Variants in PEAK1 observed in about 807,000 individuals in gnomAD.
PEAK1 encodes inactive tyrosine-protein kinase PEAK1.
A neutral mutation model predicts 124.7 loss-of-function variants in PEAK1; 54 were observed. The ratio of observed to expected loss-of-function variants is 0.43; its 90% CI spans 0.35 to 0.54. The LOEUF (loss-of-function observed/expected upper bound fraction) is 0.54. Ranked by LOEUF, PEAK1 falls within the 20% of genes least tolerant of loss-of-function variation. The probability of loss-of-function intolerance (pLI) is 0.01; values close to 1 mark genes in which losing one functional copy is unlikely to be tolerated. For synonymous variants in PEAK1, 719 were observed against 760.0 expected, an observed-to-expected ratio of 0.95 and a Z score of 0.89; for missense variants, 2,046 against 2,134.5, an observed-to-expected ratio of 0.96 and a Z score of 0.82.
At chr15:77,246,460 G>A (rs560366264) in intron 6 of PEAK1, among the ~76,000 whole-genome samples, 1 of 152,122 alleles carries the variant, frequency 6.6e-6, no homozygotes, top group Admixed American at 6.5e-5. Flanking sequence ...GGAGGTTGAG[G>A]CTACAGTGAG....
intron 8 of PEAK1, among the ~76,000 whole-genome samples, chr15:77,153,535 T>A (rs2152775473): frequency 6.6e-6 from 1 of 152,362 alleles, no homozygotes; most frequent in Admixed American, 6.5e-5. Flanking sequence ...AGCTTTTGAA[T>A]GTGTTTGCTC....
In PEAK1 at chr15:77,309,184, T is replaced by A. The variant is rs139228501; in HGVS notation, c.-602-22680A>T. ...TGTGCCATTACCAAAGATGAATATG[T>A]CTTTTCTCATTTATGGAGGTTTTAT... is the stretch of plus-strand genomic sequence containing the variant. On this transcript the variant is annotated intron_variant, in intron 2 of 9. Transcript: ENST00000682557. Among the ~76,000 whole-genome samples, 23 of 152,288 alleles carry A rather than the reference T, an allele frequency of 1.5e-4. No individual in the cohort carries two copies. In the Middle Eastern group the frequency reaches 0.01, roughly 68 times the overall value.
chr15:77,203,220 G>T (rs969815111), intron 6 of PEAK1, among the ~76,000 whole-genome samples: 1 of 151,950 alleles, frequency 6.6e-6, no homozygotes. Context: ...GGTGGAAGGG[G>T]ACGTAAGAGA....
intron 1 of PEAK1, among the ~76,000 whole-genome samples, chr15:77,396,362 G>A (rs1051763641): frequency 1.3e-5 from 2 of 151,730 alleles, no homozygotes; most frequent in South Asian, 2.1e-4. Context: ...AGGAAGAGAC[G>A]ACCACAAAAC....
intron 1 of PEAK1, among the ~76,000 whole-genome samples, chr15:77,369,012 T>A (rs1364543705): frequency 6.6e-6 from 1 of 152,180 alleles, no homozygotes; most frequent in Admixed American, 6.5e-5. Flanking sequence ...AGTTTGACAT[T>A]TGCACTTACA....
intron 2 of PEAK1, among the ~76,000 whole-genome samples, chr15:77,362,945 T>C (rs1798803608): frequency 6.6e-6 from 1 of 152,142 alleles, no homozygotes; most frequent in African/African-American, 2.4e-5. Context: ...AACCTCCGCC[T>C]CCTGGGTTCA....
chr15:77,383,491 T>G (rs1025924537), intron 1 of PEAK1, among the ~76,000 whole-genome samples: 5 of 152,210 alleles, frequency 3.3e-5, no homozygotes, highest in Non-Finnish European at 7.3e-5. Flanking sequence ...GTGATAACCC[T>G]ACTTGTCAGA....
intron 9 of PEAK1, among the ~76,000 whole-genome samples, chr15:77,115,928 G>A (rs2051329192): frequency 6.6e-6 from 1 of 152,112 alleles, no homozygotes; most frequent in Admixed American, 6.5e-5. Context: ...TCACTGGTAG[G>A]GTTGAGAGAG....
At chr15:77,281,194 A>G (rs1181115243) in intron 5 of PEAK1, among the ~76,000 whole-genome samples, 2 of 152,146 alleles carry the variant, frequency 1.3e-5, no homozygotes, top group East Asian at 3.8e-4. Context: ...CCTTTATTAT[A>G]TCAGACCATG....
At chr15:77,419,525 C>T (rs1334112324) in intron 1 of PEAK1, 1 of 985,118 alleles carries the variant, frequency 1.0e-6, no homozygotes, top group African/African-American at 1.7e-5. Context: ...ACGCTGCCGG[C>T]GAGGCTGCGC....
At chr15:77,386,278 A>G (rs1440021642) in intron 1 of PEAK1, among the ~76,000 whole-genome samples, 1 of 152,208 alleles carries the variant, frequency 6.6e-6, no homozygotes, top group Non-Finnish European at 1.5e-5. Context: ...TACCTCTTAT[A>G]CTGAAGTTAT....
intron 6 of PEAK1, among the ~76,000 whole-genome samples, chr15:77,226,985 C>G (rs187874852): frequency 2.3e-4 from 35 of 152,260 alleles, no homozygotes; most frequent in Admixed American, 1.4e-3. Flanking sequence ...TTCTATTTTA[C>G]TATATGGCAG....
At chr15:77,337,165 C>A in intron 2 of PEAK1, 12 of 984,896 alleles carry the variant, frequency 1.2e-5, no homozygotes, top group Non-Finnish European at 1.4e-5. Context: ...TACCTGTGCC[C>A]ATGAAGTTTG....
At chr15:77,420,602 T>C (rs2073290673), upstream of PEAK1, 1 of 344,526 alleles carries the variant, frequency 2.9e-6, no homozygotes, top group Admixed American at 4.8e-5. Context: ...TCAGTTCTTC[T>C]ACTTTCTGCG....
chr15:77,350,148 T>C, intron 2 of PEAK1: 2 of 985,424 alleles, frequency 2.0e-6, no homozygotes, highest in Middle Eastern at 5.2e-4. Flanking sequence ...TGAAAATGCA[T>C]GCACAAAAGT....
chr15:77,347,213 T>C (rs985408456), intron 2 of PEAK1: 1 of 982,886 alleles, frequency 1.0e-6, no homozygotes, highest in African/African-American at 1.7e-5. Context: ...CTCTTCAAAG[T>C]GCCACGGCCA....
In PEAK1 at chr15:77,180,916, C is replaced by T. The variant is rs772897133; in HGVS notation, c.1011G>A (p.Val337=). The T allele has an allele frequency of 6.2e-7, 1 of 1,614,084 alleles. No homozygotes were observed. The highest frequency in any genetic ancestry group is 1.1e-5 in the South Asian group (1 of 91,072). The change falls in exon 7 of 10, where the codon GTG becomes GTA. Residue 337 remains valine, a synonymous_variant. Transcript: ENST00000682557. Reference sequence around the variant, plus strand: ...AATCTGGTGATGTGGAGTCAGATGACACCATGCTCTGAATGCTTCCTTGTC... The same window carrying T: ...AATCTGGTGATGTGGAGTCAGATGATACCATGCTCTGAATGCTTCCTTGTC... ...SYGQGSIQSM[V]SSDSTSPDSS...
chr15:77,221,367 G>C (rs543544454), intron 6 of PEAK1, among the ~76,000 whole-genome samples: 67 of 152,170 alleles, frequency 4.4e-4, no homozygotes, highest in African/African-American at 1.6e-3. Context: ...GAGGTGAAAG[G>C]GTAGTGCATT....
chr15:77,158,980 T>G (rs747226555), intron 7 of PEAK1, among the ~76,000 whole-genome samples: 50 of 152,130 alleles, frequency 3.3e-4, no homozygotes, highest in Admixed American at 2.3e-3. Context: ...GGTGGTGATG[T>G]TGGTGGTAGA....
Sources: allele counts gnomAD v4.1 joint callset (sites outside exome capture counted in the v4.1 genomes callset), GRCh38; gene constraint gnomAD v4.1.1; transcripts MANE v1.5; gene names NCBI Gene and HGNC (gene_info 2026-07-23, HGNC 2026-07-21).